CTIF: variants seen among roughly 807,000 people sequenced by gnomAD.
CTIF encodes cap binding complex dependent translation initiation factor.
A neutral mutation model predicts 66.0 loss-of-function variants in CTIF; 21 were observed. The observed-to-expected ratio is 0.32, with a 90% CI of 0.23 to 0.46. CTIF has a LOEUF of 0.46. Ranked by LOEUF, CTIF falls within the 20% of genes least tolerant of loss-of-function variation. CTIF has a pLI of 1.00. For synonymous variants in CTIF, 345 were observed against 326.4 expected, an observed-to-expected ratio of 1.06 and a Z score of -0.62; for missense variants, 739 against 812.7, an observed-to-expected ratio of 0.91 and a Z score of 1.10.
chr18:48,564,920 G>T (rs1405351005), intron 1 of CTIF: 1 of 152,070 alleles, frequency 6.6e-6, no homozygotes, highest in Non-Finnish European at 1.5e-5. Flanking sequence ...AGCCTGGTCG[G>T]CTTGTTTTAA....
At chr18:48,677,841 A>G (rs2091659004) in intron 6 of CTIF, among the ~76,000 whole-genome samples, 1 of 152,232 alleles carries the variant, frequency 6.6e-6, no homozygotes, top group South Asian at 2.1e-4. Flanking sequence ...CCCACCCAGC[A>G]TCTTAGTCCA....
chr18:48,735,227 G>T (rs2092490511), intron 7 of CTIF, among the ~76,000 whole-genome samples: 1 of 152,170 alleles, frequency 6.6e-6, no homozygotes, highest in African/African-American at 2.4e-5. Context: ...ATCCGTCTCT[G>T]CAATGGGGCC....
rs149062030 is a variant in CTIF at position 48,724,721 on chromosome 18, G to C, written c.584+13026G>C. Among the ~76,000 whole-genome samples, 1,050 of 152,330 alleles carry C rather than the reference G, an allele frequency of 6.9e-3. 15 individuals are homozygous for C. Among genetic ancestry groups the C allele is most frequent in the African/African-American group, 0.024 (999 of 41,572 alleles). On this transcript the variant is annotated intron_variant, in intron 7 of 11. Transcript: ENST00000256413. ...CCTGAAGCAGGTGCGGCCACTGAGGGACTTAGGGAAGGGCAGAGGGCCGGA... is the reference window on the plus strand; with the variant it reads ...CCTGAAGCAGGTGCGGCCACTGAGGCACTTAGGGAAGGGCAGAGGGCCGGA...
intron 6 of CTIF, among the ~76,000 whole-genome samples, chr18:48,690,060 T>A (rs1237788181): frequency 6.6e-6 from 1 of 152,192 alleles, no homozygotes. Flanking sequence ...CCAGCCTTAT[T>A]TTCTCCCTGT....
intron 6 of CTIF, among the ~76,000 whole-genome samples, chr18:48,676,516 C>T (rs948539032): frequency 6.6e-6 from 1 of 152,218 alleles, no homozygotes; most frequent in African/African-American, 2.4e-5. Flanking sequence ...GCAGGGCCGG[C>T]TCCCCTGCCC....
intron 1 of CTIF, among the ~76,000 whole-genome samples, chr18:48,587,418 G>A (rs1331373996): frequency 6.6e-6 from 1 of 151,754 alleles, no homozygotes; most frequent in Non-Finnish European, 1.5e-5. Context: ...CCAAGCCATT[G>A]AGGGTACAAT....
At chr18:48,668,547 C>G (rs1448114522) in intron 5 of CTIF, among the ~76,000 whole-genome samples, 3 of 152,130 alleles carry the variant, frequency 2.0e-5, no homozygotes, top group African/African-American at 7.2e-5. Context: ...TTTTCTTTTC[C>G]TTCATGCCTG....
intron 9 of CTIF, among the ~76,000 whole-genome samples, chr18:48,798,814 T>G (rs1288755168): frequency 1.3e-5 from 2 of 152,202 alleles, no homozygotes. Flanking sequence ...TGGCAACGTC[T>G]GGAGATATTT....
intron 7 of CTIF, among the ~76,000 whole-genome samples, chr18:48,729,270 C>T (rs1157897292): frequency 2.0e-5 from 3 of 152,108 alleles, no homozygotes; most frequent in Non-Finnish European, 2.9e-5. Context: ...ACCCACGTTC[C>T]CCCCACCACC....
rs10591389 is a variant in CTIF at position 48,852,233 on chromosome 18, T to TAAAA, written c.1528-5329_1528-5326dup. ...TGGGGGACAGAGTGAGACCCTGTCT[T>TAAAA]AAAAAAAAAAAAAAAAAAAAAAAAA... On this transcript the variant is annotated intron_variant, in intron 10 of 11. Coordinates refer to ENST00000256413, the MANE Select transcript of CTIF (RefSeq NM_014772.3). Among the ~76,000 whole-genome samples the TAAAA allele has an allele frequency of 4.1e-4, 27 of 66,584 alleles. 2 individuals are homozygous for TAAAA. The highest frequency in any genetic ancestry group is 1.2e-3 in the African/African-American group (24 of 19,504). 43.7% of individuals were successfully genotyped at this position (66,584 alleles called of 152,430 possible).
At chr18:48,573,843 C>G (rs1008052532) in intron 1 of CTIF, among the ~76,000 whole-genome samples, 6 of 152,340 alleles carry the variant, frequency 3.9e-5, no homozygotes, top group African/African-American at 1.4e-4. Flanking sequence ...TGTGAATGTG[C>G]AAGTATATCT....
chr18:48,664,486 C>T lies in CTIF; in HGVS notation c.366C>T (p.Phe122=). The part of the protein sequence containing the change: ...TWDLQPEKLD[F]TQFHRKVRHT... Reference sequence around the variant, plus strand: ...ACCTGCAGCCGGAAAAGCTGGACTTCACCCAGTTCCACCGCAAAGTCCGAC... The same window carrying T: ...ACCTGCAGCCGGAAAAGCTGGACTTTACCCAGTTCCACCGCAAAGTCCGAC... The change falls in exon 5 of 12, where the codon TTC becomes TTT. Residue 122 remains phenylalanine, a synonymous_variant. Transcript: ENST00000256413. The T allele has an allele frequency of 6.2e-7, 1 of 1,613,642 alleles. No individual in the cohort carries two copies. The highest frequency in any genetic ancestry group is 8.5e-7 in the Non-Finnish European group (1 of 1,179,984).
intron 7 of CTIF, among the ~76,000 whole-genome samples, chr18:48,720,364 T>A (rs1239213530): frequency 1.3e-5 from 2 of 152,280 alleles, no homozygotes; most frequent in East Asian, 3.9e-4. Context: ...GGGATGCCAC[T>A]GTTGCTGAGG....
chr18:48,783,722 C>T (rs1013011971), intron 9 of CTIF, among the ~76,000 whole-genome samples: 9 of 152,198 alleles, frequency 5.9e-5, no homozygotes, highest in Non-Finnish European at 1.0e-4. Flanking sequence ...CTTCCTCCCA[C>T]GTGGCTGGGA....
At chr18:48,825,215 G>A (rs931535003) in intron 10 of CTIF, among the ~76,000 whole-genome samples, 2 of 151,962 alleles carry the variant, frequency 1.3e-5, no homozygotes, top group African/African-American at 2.4e-5. Context: ...CCCTCTGGTT[G>A]CCCCCTGGCT....
chr18:48,784,228 C>T (rs1436496757), intron 9 of CTIF, among the ~76,000 whole-genome samples: 4 of 152,210 alleles, frequency 2.6e-5, no homozygotes, highest in African/African-American at 9.6e-5. Flanking sequence ...AGAGAGAACT[C>T]ACATGAGGGT....
At chr18:48,772,417 C>T (rs1340273920) in intron 9 of CTIF, among the ~76,000 whole-genome samples, 2 of 145,904 alleles carry the variant, frequency 1.4e-5, no homozygotes, top group Middle Eastern at 3.5e-3. Context: ...ATGACCATCC[C>T]CCGGCACCCC....
chr18:48,658,295 ATGT>A (rs2091278715), intron 3 of CTIF, among the ~76,000 whole-genome samples: 1 of 151,828 alleles, frequency 6.6e-6, no homozygotes, highest in African/African-American at 2.4e-5. Flanking sequence ...GTCTACATGC[ATGT>A]TGTGTGTGGC....
intron 7 of CTIF, among the ~76,000 whole-genome samples, chr18:48,723,975 C>G (rs2092364135): frequency 6.6e-6 from 1 of 152,206 alleles, no homozygotes; most frequent in Admixed American, 6.5e-5. Context: ...GATAGGCCCT[C>G]AAGTTCCCAG....
Sources: gnomAD v4.1 joint callset for allele counts (sites outside exome capture counted in the v4.1 genomes callset) on GRCh38, gnomAD v4.1.1 for gene constraint, MANE v1.5 for transcripts, NCBI Gene and HGNC (gene_info 2026-07-23, HGNC 2026-07-21) for gene names.